The following C7 variants were observed in gnomAD, a reference collection of about 807,000 sequenced individuals.
The protein encoded by C7 is complement component C7.
C7 carries 83 observed loss-of-function variants against 104.8 expected under a neutral mutation model. The ratio of observed to expected loss-of-function variants is 0.79; its 90% confidence interval spans 0.66 to 0.95. The LOEUF (loss-of-function observed/expected upper bound fraction) is 0.95. C7 is among the 40% of genes least tolerant of loss of function. C7 has a pLI of 0.00. For missense variants in C7, 1,070 were observed against 1,011.2 expected, an observed-to-expected ratio of 1.06 and a Z score of -0.79; for synonymous variants, 415 against 360.6, an observed-to-expected ratio of 1.15 and a Z score of -1.71.
intron 15 of C7, 123 bp downstream of exon 15, chr5:40,972,717 G>A: frequency 1.4e-6 from 1 of 732,196 alleles, no homozygotes; most frequent in Admixed American, 2.6e-5. Context: ...TGCTCCTTAA[G>A]ATAGGGTCAG....
At chr5:40,972,649 C>A in intron 15 of C7, 55 bp downstream of exon 15, 1 of 1,430,852 alleles carries the variant, frequency 7.0e-7, no homozygotes, top group Non-Finnish European at 9.5e-7. Context: ...AGTGAGAGTC[C>A]TTGTGGCGAC....
At chr5:40,958,450 T>C (rs768916137) in intron 11 of C7, among the ~76,000 whole-genome samples, 189 bp downstream of exon 11, 6 of 152,218 alleles carry the variant, frequency 3.9e-5, no homozygotes, top group Admixed American at 3.3e-4. Flanking sequence ...TATCTCTATT[T>C]ATCCATCTGA....
chr5:40,976,525 G>C (rs1255884671), intron 15 of C7: 4 of 323,184 alleles, frequency 1.2e-5, no homozygotes, highest in Non-Finnish European at 2.3e-5. Context: ...AAATGTTCAC[G>C]AGATGGTAGC....
At chr5:40,941,498 G>A (rs551970283) in intron 6 of C7, among the ~76,000 whole-genome samples, 8 of 152,256 alleles carry the variant, frequency 5.3e-5, no homozygotes, top group Admixed American at 6.5e-5. Context: ...GTTAGTTAAG[G>A]AGATTGGATT....
chr5:40,950,445 T>G (rs1022674204), intron 9 of C7, among the ~76,000 whole-genome samples: 2 of 152,214 alleles, frequency 1.3e-5, no homozygotes, highest in Non-Finnish European at 2.9e-5. Flanking sequence ...TTATCCAGTT[T>G]ATCATTGATG....
chr5:40,915,634 A>T (rs775735846), intron 1 of C7, among the ~76,000 whole-genome samples: 4 of 152,162 alleles, frequency 2.6e-5, no homozygotes, highest in Admixed American at 1.3e-4. Flanking sequence ...AAAAACTTAT[A>T]CGATCCACAT....
chr5:40,950,456 G>A (rs917363045), intron 9 of C7, among the ~76,000 whole-genome samples: 2 of 152,010 alleles, frequency 1.3e-5, no homozygotes, highest in Non-Finnish European at 2.9e-5. Flanking sequence ...ATCATTGATG[G>A]GCATTTAGGT....
chr5:40,937,890 A>G (rs1343423919), intron 6 of C7, among the ~76,000 whole-genome samples, 200 bp downstream of exon 6: 1 of 152,146 alleles, frequency 6.6e-6, no homozygotes, highest in Non-Finnish European at 1.5e-5. Context: ...AACATGTGTC[A>G]TTCAAGCTGA....
intron 1 of C7, among the ~76,000 whole-genome samples, chr5:40,918,848 A>G (rs1561236047): frequency 6.6e-6 from 1 of 152,062 alleles, no homozygotes; most frequent in African/African-American, 2.4e-5. Flanking sequence ...CAATTATAGT[A>G]GGGTATTTCA....
rs1561251459 is a variant in C7 at position 40,955,407 on chromosome 5, CG to C, written c.1115del (p.Arg372GlnfsTer20). On this transcript the variant is annotated frameshift_variant, in exon 10 of 18. Transcript: ENST00000313164. LOFTEE classifies it high-confidence loss of function. ...TATAGGAACCCAGAACAATGTATTGCGAGGAGAACCGTTCATCAGAGGGGGA... is the reference window on the plus strand; with the variant it reads ...TATAGGAACCCAGAACAATGTATTGCAGGAGAACCGTTCATCAGAGGGGGA... The part of the protein sequence containing the change: ...AASGTQNNVL[R>X]GEPFIRGGGA... 3.1e-6 allele frequency: 5 copies of C among 1,609,122 alleles called. No individual in the cohort carries two copies. Among genetic ancestry groups the C allele is most frequent in the Non-Finnish European group, 4.2e-6 (5 of 1,178,066 alleles).
chr5:40,941,272 C>T (rs1445925074), intron 6 of C7, among the ~76,000 whole-genome samples: 1 of 151,980 alleles, frequency 6.6e-6, no homozygotes, highest in African/African-American at 2.4e-5. Context: ...CCATGTCGGT[C>T]AGGCTGGTCT....
intron 1 of C7, among the ~76,000 whole-genome samples, chr5:40,923,644 G>T (rs1173846615): frequency 6.6e-6 from 1 of 152,072 alleles, no homozygotes; most frequent in Non-Finnish European, 1.5e-5. Context: ...TACTCAGGAG[G>T]CTGAGGCAGG....
At chr5:40,947,875 G>A (rs1035310872) in intron 8 of C7, 30 bp downstream of exon 8, 4 of 1,596,564 alleles carry the variant, frequency 2.5e-6, no homozygotes, top group Non-Finnish European at 3.4e-6. Flanking sequence ...GTTGTCTAAA[G>A]GCATTTCTGG....
At chr5:40,912,537 C>T (rs749169913) in intron 1 of C7, among the ~76,000 whole-genome samples, 1 of 146,206 alleles carries the variant, frequency 6.8e-6, no homozygotes, top group Non-Finnish European at 1.5e-5. Context: ...CGCCACCATG[C>T]CTGGCTAATT....
intron 14 of C7, among the ~76,000 whole-genome samples, chr5:40,967,319 C>T (rs1200776388): frequency 6.6e-6 from 1 of 152,154 alleles, no homozygotes; most frequent in Non-Finnish European, 1.5e-5. Context: ...CCGCCTTGGC[C>T]TCCCAAAGTG....
intron 15 of C7, among the ~76,000 whole-genome samples, chr5:40,973,959 A>G (rs10076653): frequency 0.25 from 37,791 of 152,168 alleles, 6,425 homozygotes; most frequent in African/African-American, 0.49. Context: ...ACTACTTCTA[A>G]GCCTATAACA....
At chr5:40,935,015 A>G (rs1186151154) in intron 4 of C7, among the ~76,000 whole-genome samples, 1 of 152,206 alleles carries the variant, frequency 6.6e-6, no homozygotes, top group Non-Finnish European at 1.5e-5. Flanking sequence ...TAGTGGTGAG[A>G]GTTGTATATA....
chr5:40,964,854 T>C lies in C7; in HGVS notation c.1863T>C (p.Val621=). 2 of 1,613,722 alleles carry C rather than the reference T, an allele frequency of 1.2e-6. No individual in the cohort carries two copies. Among genetic ancestry groups the C allele is most frequent in the Non-Finnish European group, 1.7e-6 (2 of 1,179,760 alleles). The change falls in exon 14 of 18, where the codon GTT becomes GTC. Residue 621 remains valine (V), a synonymous_variant. Coordinates refer to ENST00000313164, the MANE Select transcript of C7 (RefSeq NM_000587.4). ...GTGGAGAAGATTTACGGTGGCTTGT[T>C]GGGGAAATGCATTGTCAGAGTGAGT... is the stretch of plus-strand genomic sequence containing the variant. ...ARCGEDLRWL[V]GEMHCQKIAC... is the part of the protein sequence containing the mutation.
At chr5:40,922,116 C>T (rs899032563) in intron 1 of C7, among the ~76,000 whole-genome samples, 1 of 151,366 alleles carries the variant, frequency 6.6e-6, no homozygotes, top group South Asian at 2.1e-4. Context: ...GTGGCTCATG[C>T]CTGTAATCCC....
Sources: allele counts gnomAD v4.1 joint callset (sites outside exome capture counted in the v4.1 genomes callset), GRCh38; gene constraint gnomAD v4.1.1; transcripts MANE v1.5; gene names NCBI Gene and HGNC (gene_info 2026-07-23, HGNC 2026-07-21).